The following WASHC3 variants were observed in gnomAD, a reference collection of about 807,000 sequenced individuals.
WASHC3 encodes the protein WASH complex subunit 3, also known as WASH complex subunit CCDC53.
Under a neutral mutation model 26.1 loss-of-function variants are expected in WASHC3, and 24 were observed. The ratio of observed to expected loss-of-function variants is 0.92; its 90% confidence interval spans 0.66 to 1.29. The LOEUF is 1.29. Among genes scored for constraint, WASHC3 ranks in the 50% most tolerant of loss-of-function variants. The pLI is 0.00. For missense variants in WASHC3, 214 were observed against 229.6 expected, an observed-to-expected ratio of 0.93 and a Z score of 0.44; for synonymous variants, 77 against 75.7, an observed-to-expected ratio of 1.02 and a Z score of -0.09.
chr12:102,061,686 G>A (rs1029248596), intron 1 of WASHC3, among the ~76,000 whole-genome samples: 1 of 152,200 alleles, frequency 6.6e-6, no homozygotes, highest in African/African-American at 2.4e-5. Flanking sequence ...CAAGCGAGAT[G>A]GGAAGCGACA....
intron 6 of WASHC3, among the ~76,000 whole-genome samples, chr12:102,015,575 G>A (rs748438638): frequency 1.1e-4 from 16 of 152,222 alleles, no homozygotes; most frequent in Non-Finnish European, 4.4e-5. Flanking sequence ...GATAATATCT[G>A]GCACATAGTA....
intron 5 of WASHC3, 66 bp from the exon 6 acceptor site, chr12:102,026,104 T>C: frequency 1.2e-6 from 1 of 854,000 alleles, no homozygotes; most frequent in Non-Finnish European, 1.8e-6. Context: ...ACACATACCA[T>C]CTAAAACAAG....
At chr12:102,055,952 A>G (rs557655964) in intron 2 of WASHC3, among the ~76,000 whole-genome samples, 4 of 152,218 alleles carry the variant, frequency 2.6e-5, no homozygotes, top group Non-Finnish European at 5.9e-5. Context: ...CAAGTACTTA[A>G]TCTTCGTTCA....
intron 2 of WASHC3, among the ~76,000 whole-genome samples, chr12:102,056,164 C>T (rs1878585230): frequency 6.6e-6 from 1 of 152,182 alleles, no homozygotes; most frequent in Admixed American, 6.5e-5. Context: ...TTACAGTCTA[C>T]TCTTAAATAT....
chr12:102,035,482 T>C (rs960617408), intron 5 of WASHC3, among the ~76,000 whole-genome samples: 6 of 152,206 alleles, frequency 3.9e-5, no homozygotes, highest in Admixed American at 2.6e-4. Context: ...GATGGTTCAA[T>C]AATCATAATC....
chr12:102,037,992 T>C (rs1390785868), intron 5 of WASHC3, among the ~76,000 whole-genome samples: 1 of 151,974 alleles, frequency 6.6e-6, no homozygotes, highest in Non-Finnish European at 1.5e-5. Flanking sequence ...ACAAGGTTTC[T>C]CCATGTTGGT....
At chr12:102,047,686 A>G (rs1446672276) in intron 2 of WASHC3, among the ~76,000 whole-genome samples, 1 of 152,196 alleles carries the variant, frequency 6.6e-6, no homozygotes, top group Non-Finnish European at 1.5e-5. Flanking sequence ...AGAATTTCCA[A>G]CTTATTTAAA....
chr12:102,036,189 G>A lies in WASHC3; in HGVS notation c.435+3679C>T, dbSNP rs558023967. On this transcript the variant is annotated intron_variant, in intron 5 of 6. Coordinates refer to ENST00000240079, the MANE Select transcript of WASHC3 (RefSeq NM_016053.4). The stretch of plus-strand genomic sequence containing the variant: ...AGCCTGGCCAACAGGGCGAAACCCC[G>A]TCTCTACTAAAAGTACACAAATTAG... Among the ~76,000 whole-genome samples the A allele has an allele frequency of 6.1e-4, 92 of 152,050 alleles. 1 individual carries two copies. In the South Asian group the frequency reaches 0.018, roughly 30 times the overall value.
At chr12:102,018,943 G>C (rs999191091) in intron 6 of WASHC3, among the ~76,000 whole-genome samples, 1 of 122,472 alleles carries the variant, frequency 8.2e-6, no homozygotes, top group Non-Finnish European at 1.9e-5. Context: ...TATTACAGGC[G>C]AGTGCCACCA....
intron 6 of WASHC3, among the ~76,000 whole-genome samples, chr12:102,020,054 G>GGA (rs373675214): frequency 6.6e-6 from 1 of 151,948 alleles, no homozygotes; most frequent in Non-Finnish European, 1.5e-5. Flanking sequence ...CTATTCCCTT[G>GGA]GAGAGAGAGA....
At chr12:102,026,306 A>G (rs1372466602) in intron 5 of WASHC3, among the ~76,000 whole-genome samples, 1 of 152,162 alleles carries the variant, frequency 6.6e-6, no homozygotes, top group Non-Finnish European at 1.5e-5. Flanking sequence ...CAGAACAGAG[A>G]TCATATTCTC....
At chr12:102,044,786 A>C (rs1317376581) in intron 3 of WASHC3, among the ~76,000 whole-genome samples, 1 of 152,196 alleles carries the variant, frequency 6.6e-6, no homozygotes, top group African/African-American at 2.4e-5. Context: ...CTATGCAAAA[A>C]AATGGGCATA....
chr12:102,051,668 C>T (rs2136684563), intron 2 of WASHC3, among the ~76,000 whole-genome samples: 1 of 152,322 alleles, frequency 6.6e-6, no homozygotes, highest in South Asian at 2.1e-4. Context: ...AGTTCTGCTA[C>T]TTTCTATCTG....
intron 5 of WASHC3, among the ~76,000 whole-genome samples, chr12:102,026,430 G>A (rs893063902): frequency 2.6e-5 from 4 of 152,128 alleles, no homozygotes; most frequent in Non-Finnish European, 4.4e-5. Context: ...AAAGATTTCA[G>A]AGAGTTCCAT....
intron 5 of WASHC3, among the ~76,000 whole-genome samples, chr12:102,038,197 T>C (rs1877759755): frequency 6.6e-6 from 1 of 152,244 alleles, no homozygotes; most frequent in African/African-American, 2.4e-5. Flanking sequence ...CTGGAAACCT[T>C]AGTTGGCTAA....
At chr12:102,053,547 C>A (rs185969128) in intron 2 of WASHC3, among the ~76,000 whole-genome samples, 1 of 152,108 alleles carries the variant, frequency 6.6e-6, no homozygotes, top group East Asian at 1.9e-4. Flanking sequence ...GCCACAAAGA[C>A]CAAGAATAAT....
intron 2 of WASHC3, among the ~76,000 whole-genome samples, chr12:102,057,485 C>T (rs573254321): frequency 8.9e-4 from 135 of 152,040 alleles, no homozygotes; most frequent in African/African-American, 3.0e-3. Context: ...TGTTTCTGTT[C>T]GCAGATGGCA....
At chr12:102,024,247 C>G (rs753676969) in intron 6 of WASHC3, among the ~76,000 whole-genome samples, 1 of 152,090 alleles carries the variant, frequency 6.6e-6, no homozygotes, top group Non-Finnish European at 1.5e-5. Context: ...TTAGACTACA[C>G]GTTGAAGGCA....
intron 2 of WASHC3, among the ~76,000 whole-genome samples, chr12:102,059,350 T>C (rs1228887090): frequency 1.3e-5 from 2 of 152,162 alleles, no homozygotes; most frequent in African/African-American, 2.4e-5. Flanking sequence ...AATAAGATTT[T>C]TGAAAAAGGA....
Sources: allele counts gnomAD v4.1 joint callset (sites outside exome capture counted in the v4.1 genomes callset), GRCh38; gene constraint gnomAD v4.1.1; transcripts MANE v1.5; gene names NCBI Gene and HGNC (gene_info 2026-07-23, HGNC 2026-07-21).